Variants in SLAIN2 observed in about 807,000 individuals in gnomAD.
SLAIN2 encodes SLAIN family member 2.
A neutral mutation model predicts 56.6 loss-of-function variants in SLAIN2; 31 were observed. The ratio of observed to expected loss-of-function variants is 0.55; its 90% CI spans 0.41 to 0.74. The LOEUF is 0.74. SLAIN2 is among the 30% of genes least tolerant of loss of function. The probability of loss-of-function intolerance (pLI) is 0.00; values close to 1 mark genes in which losing one functional copy is unlikely to be tolerated. For missense variants in SLAIN2, 777 were observed against 754.2 expected (o/e 1.03, Z -0.35); for synonymous variants, 317 against 284.9 (o/e 1.11, Z -1.13).
chr4:48,378,061 G>T lies in SLAIN2; in HGVS notation c.703+1G>T. The T allele has an allele frequency of 6.2e-7, 1 of 1,611,970 alleles. No individual in the cohort carries two copies. Among genetic ancestry groups the T allele is most frequent in the Non-Finnish European group, 8.5e-7 (1 of 1,179,304 alleles). On this transcript the variant is annotated splice_donor_variant, in intron 3 of 7. Coordinates refer to ENST00000264313, the MANE Select transcript of SLAIN2 (RefSeq NM_020846.2). LOFTEE classifies it high-confidence loss of function. Reference sequence around the variant, plus strand: ...CAGCTTATACTTCCTGGAAATTCAGGTAAGGAGAAAATGATATGGAGCTAT... The same window carrying T: ...CAGCTTATACTTCCTGGAAATTCAGTTAAGGAGAAAATGATATGGAGCTAT...
At chr4:48,375,988 C>T (rs1275034443) in intron 2 of SLAIN2, among the ~76,000 whole-genome samples, 1 of 152,200 alleles carries the variant, frequency 6.6e-6, no homozygotes, top group East Asian at 1.9e-4. Flanking sequence ...GCCCTTTGCA[C>T]CTTTATGATA....
rs777977914 is a variant in SLAIN2 at position 48,382,911 on chromosome 4, C to A, written c.1206C>A (p.Ser402Arg). The A allele has an allele frequency of 8.7e-5, 139 of 1,606,014 alleles. No individual in the cohort carries two copies. The highest frequency in any genetic ancestry group is 1.1e-4 in the Non-Finnish European group (130 of 1,174,774). The change falls in exon 5 of 8, where the codon AGC becomes AGA. Residue 402 changes from serine (S) to arginine (R), a missense_variant. Coordinates refer to ENST00000264313, the MANE Select transcript of SLAIN2 (RefSeq NM_020846.2). ...LQGHPTDLQT[S>R]NVKNEEKLRR... Reference sequence around the variant, plus strand: ...GCCATCCCACAGATTTACAGACAAGCAATGTTAAAAATGAAGGTAAAATAG... The same window carrying A: ...GCCATCCCACAGATTTACAGACAAGAAATGTTAAAAATGAAGGTAAAATAG...
At chr4:48,390,920 G>C (rs566089702) in intron 6 of SLAIN2, among the ~76,000 whole-genome samples, 15 of 152,180 alleles carry the variant, frequency 9.9e-5, no homozygotes, top group African/African-American at 3.6e-4. Flanking sequence ...CTGCTACACA[G>C]AGAAAATCTT....
chr4:48,410,025 T>A (rs903026996), intron 6 of SLAIN2, among the ~76,000 whole-genome samples: 1 of 152,216 alleles, frequency 6.6e-6, no homozygotes, highest in African/African-American at 2.4e-5. Flanking sequence ...AAGGATCTGC[T>A]AAACTGTTTT....
intron 6 of SLAIN2, among the ~76,000 whole-genome samples, chr4:48,389,783 C>T (rs749382081): frequency 3.3e-5 from 5 of 152,176 alleles, no homozygotes; most frequent in Non-Finnish European, 5.9e-5. Flanking sequence ...GGAGCGGGTA[C>T]AGCATCCCAT....
At chr4:48,407,444 A>G (rs550715686) in intron 6 of SLAIN2, among the ~76,000 whole-genome samples, 2 of 152,260 alleles carry the variant, frequency 1.3e-5, no homozygotes, top group East Asian at 1.9e-4. Context: ...ATTTCTTACC[A>G]TGATTTCTGG....
chr4:48,376,857 C>T (rs1260544482), intron 2 of SLAIN2, among the ~76,000 whole-genome samples: 3 of 150,276 alleles, frequency 2.0e-5, no homozygotes, highest in South Asian at 2.1e-4. Flanking sequence ...GTGATCCGCC[C>T]GCCTCGGCCT....
rs149155799 is a variant in SLAIN2 at position 48,355,160 on chromosome 4, G to A, written c.389+13032G>A. Among the ~76,000 whole-genome samples, 1,426 of 152,232 alleles carry A rather than the reference G, an allele frequency of 9.4e-3. 24 individuals carry two copies. The highest frequency in any genetic ancestry group is 0.032 in the African/African-American group (1,345 of 41,544). On this transcript the variant is annotated intron_variant, in intron 1 of 7. Coordinates refer to ENST00000264313, the MANE Select transcript of SLAIN2 (RefSeq NM_020846.2). ...CTCCTGAAGTGCTGGGATTACAGGCGTGAGCCACTACACCCAGCCAAAAAT... is the reference window on the plus strand; with the variant it reads ...CTCCTGAAGTGCTGGGATTACAGGCATGAGCCACTACACCCAGCCAAAAAT...
intron 6 of SLAIN2, among the ~76,000 whole-genome samples, chr4:48,396,724 A>T (rs1032560810): frequency 6.6e-6 from 1 of 152,170 alleles, no homozygotes; most frequent in African/African-American, 2.4e-5. Context: ...CATCCTGGGG[A>T]TGAACCTGTA....
chr4:48,363,918 G>GT (rs1395981733), intron 1 of SLAIN2, among the ~76,000 whole-genome samples: 1 of 86,096 alleles, frequency 1.2e-5, no homozygotes, highest in Non-Finnish European at 3.3e-5. Context: ...CTGGCCAGGC[G>GT]GGGGGCTGAC....
intron 2 of SLAIN2, among the ~76,000 whole-genome samples, chr4:48,372,460 A>G (rs1715695487): frequency 6.6e-6 from 1 of 152,200 alleles, no homozygotes; most frequent in African/African-American, 2.4e-5. Context: ...TTCCAGTAAA[A>G]CTACTTAATG....
At chr4:48,412,887 A>G (rs1249728635) in intron 6 of SLAIN2, among the ~76,000 whole-genome samples, 1 of 152,090 alleles carries the variant, frequency 6.6e-6, no homozygotes, top group Non-Finnish European at 1.5e-5. Context: ...TAGGATAGTA[A>G]CCCCACAAAT....
intron 6 of SLAIN2, among the ~76,000 whole-genome samples, chr4:48,404,477 C>T (rs1716642199): frequency 6.6e-6 from 1 of 152,092 alleles, no homozygotes; most frequent in Non-Finnish European, 1.5e-5. Flanking sequence ...CAGTTGTGTT[C>T]AAAACTAGCT....
chr4:48,371,859 C>T (rs1715672188), intron 2 of SLAIN2, among the ~76,000 whole-genome samples: 1 of 151,706 alleles, frequency 6.6e-6, no homozygotes, highest in South Asian at 2.1e-4. Context: ...CAGGAGGATC[C>T]CTTGAGCCCA....
At chr4:48,406,765 T>TTGA (rs1716709080) in intron 6 of SLAIN2, among the ~76,000 whole-genome samples, 1 of 152,130 alleles carries the variant, frequency 6.6e-6, no homozygotes, top group Non-Finnish European at 1.5e-5. Context: ...TTTTTGCATG[T>TTGA]TGATGATAAC....
intron 1 of SLAIN2, among the ~76,000 whole-genome samples, chr4:48,345,308 C>T (rs1180408585): frequency 6.6e-6 from 1 of 152,222 alleles, no homozygotes; most frequent in Admixed American, 6.5e-5. Context: ...TTCTCTTCTT[C>T]AGAGTAAATA....
At chr4:48,421,082 C>A (rs556882797) in intron 7 of SLAIN2, among the ~76,000 whole-genome samples, 7 of 152,178 alleles carry the variant, frequency 4.6e-5, no homozygotes, top group African/African-American at 1.7e-4. Context: ...GTGGTGCAAT[C>A]TTGGCTCACT....
In SLAIN2 at chr4:48,420,461, T is replaced by A. The variant is rs555946787; in HGVS notation, c.1679+18T>A. Reference sequence around the variant, plus strand: ...GTTCGCAGGTAAGTGGCAGATGTTCTGTTTCAGCATTCTTGAGTGCCTGAA... The same window carrying A: ...GTTCGCAGGTAAGTGGCAGATGTTCAGTTTCAGCATTCTTGAGTGCCTGAA... On this transcript the variant is annotated intron_variant, in intron 7 of 7. Transcript: ENST00000264313. The A allele has an allele frequency of 6.8e-6, 11 of 1,611,360 alleles. No homozygotes were observed. In the African/African-American group the frequency reaches 1.2e-4, roughly 18 times the overall value.
intron 6 of SLAIN2, among the ~76,000 whole-genome samples, chr4:48,386,115 GA>G (rs1460944329): frequency 9.5e-5 from 14 of 147,318 alleles, no homozygotes; most frequent in Admixed American, 8.1e-4. Flanking sequence ...AAAAAGCTAC[GA>G]AAAAACTATA....
Sources: allele counts gnomAD v4.1 joint callset (sites outside exome capture counted in the v4.1 genomes callset), GRCh38; gene constraint gnomAD v4.1.1; transcripts MANE v1.5; gene names NCBI Gene and HGNC (gene_info 2026-07-23, HGNC 2026-07-21).